Variants in SLCO1A2 observed in about 807,000 individuals in gnomAD.
SLCO1A2 encodes the protein solute carrier organic anion transporter family member 1A2, also known as OATP-1.
In SLCO1A2, 67 loss-of-function variants were observed where a neutral mutation model predicts 69.0. That is an observed-to-expected ratio of 0.97 (90% CI 0.80 to 1.19). The LOEUF (loss-of-function observed/expected upper bound fraction) is 1.19, where lower values mean the gene tolerates loss of function less well. SLCO1A2 is among the 50% of genes most tolerant of loss of function. The pLI, the probability that SLCO1A2 is intolerant of heterozygous loss-of-function variation, is 0.00. For synonymous variants in SLCO1A2, 260 were observed against 265.9 expected, an observed-to-expected ratio of 0.98 and a Z score of 0.22; for missense variants, 787 against 793.7, an observed-to-expected ratio of 0.99 and a Z score of 0.10.
upstream of SLCO1A2, among the ~76,000 whole-genome samples, chr12:21,400,133 A>G (rs893033332): frequency 9.9e-5 from 15 of 152,150 alleles, no homozygotes; most frequent in East Asian, 1.3e-3. Flanking sequence ...CTCATCTGAC[A>G]AAGGGCTAAT....
At chr12:21,394,366 T>TAAAC (rs375800291) in intron 1 of SLCO1A2, among the ~76,000 whole-genome samples, 4 of 147,504 alleles carry the variant, frequency 2.7e-5, no homozygotes, top group Non-Finnish European at 6.0e-5. Context: ...ACCACATCTT[T>TAAAC]ACACACACAC....
At chr12:21,312,026 G>GAGA (rs1355518980) in intron 4 of SLCO1A2, among the ~76,000 whole-genome samples, 2 of 148,926 alleles carry the variant, frequency 1.3e-5, no homozygotes, top group African/African-American at 4.9e-5. Context: ...GAGGGAGGAG[G>GAGA]AGAAGAAGAA....
chr12:21,316,824 C>T (rs1950926838), intron 3 of SLCO1A2, among the ~76,000 whole-genome samples: 1 of 152,160 alleles, frequency 6.6e-6, no homozygotes, highest in South Asian at 2.1e-4. Flanking sequence ...GATAGTTCCC[C>T]AGTGCTTCAG....
At chr12:21,332,352 T>C (rs1952669573) in intron 2 of SLCO1A2, among the ~76,000 whole-genome samples, 1 of 152,120 alleles carries the variant, frequency 6.6e-6, no homozygotes, top group Admixed American at 6.6e-5. Flanking sequence ...TATTTCCTGT[T>C]TACAATCAGG....
chr12:21,336,812 C>T (rs769073416), upstream of SLCO1A2, among the ~76,000 whole-genome samples: 3 of 151,962 alleles, frequency 2.0e-5, no homozygotes, highest in Non-Finnish European at 4.4e-5. Flanking sequence ...CTTTTGTTAG[C>T]ACAGTGTTGT....
intron 12 of SLCO1A2, among the ~76,000 whole-genome samples, chr12:21,279,101 C>A (rs1362533295): frequency 6.6e-6 from 1 of 151,602 alleles, no homozygotes; most frequent in African/African-American, 2.4e-5. Flanking sequence ...CAGAATTTAT[C>A]AAGCAGAAGA....
At chr12:21,272,298 T>C (rs1943023045) in intron 14 of SLCO1A2, among the ~76,000 whole-genome samples, 1 of 151,948 alleles carries the variant, frequency 6.6e-6, no homozygotes, top group East Asian at 1.9e-4. Flanking sequence ...TATATTCAAT[T>C]ACTCTTGTAC....
At chr12:21,312,850 C>CATTG (rs1950393593) in intron 4 of SLCO1A2, among the ~76,000 whole-genome samples, 2 of 152,142 alleles carry the variant, frequency 1.3e-5, no homozygotes, top group South Asian at 4.2e-4. Flanking sequence ...GAGGCAGGCG[C>CATTG]ATTGCTTGAA....
At chr12:21,400,428 G>A (rs1275588405), upstream of SLCO1A2, among the ~76,000 whole-genome samples, 9 of 151,396 alleles carry the variant, frequency 5.9e-5, no homozygotes, top group Non-Finnish European at 1.2e-4. Context: ...CACTGTTGGT[G>A]GGACTGTAAA....
intron 2 of SLCO1A2, among the ~76,000 whole-genome samples, chr12:21,358,003 G>A (rs1289277959): frequency 1.3e-5 from 2 of 152,116 alleles, no homozygotes; most frequent in Non-Finnish European, 2.9e-5. Flanking sequence ...TGGGTGGGTG[G>A]CGTGAGGTGG....
chr12:21,384,095 T>A (rs1420579735), intron 1 of SLCO1A2, among the ~76,000 whole-genome samples: 3 of 152,198 alleles, frequency 2.0e-5, no homozygotes, highest in African/African-American at 7.2e-5. Context: ...ATATTTTTAA[T>A]GTCCAATCAG....
chr12:21,353,799 C>G (rs1359035991), intron 2 of SLCO1A2, among the ~76,000 whole-genome samples: 1 of 152,186 alleles, frequency 6.6e-6, no homozygotes, highest in Non-Finnish European at 1.5e-5. Context: ...AATGGCTATT[C>G]TCAAGTGGTC....
chr12:21,269,495 T>C lies in SLCO1A2; in HGVS notation c.*53A>G. 2 of 1,351,160 alleles carry C rather than the reference T, an allele frequency of 1.5e-6. No individual in the cohort carries two copies. Among genetic ancestry groups the C allele is most frequent in the African/African-American group, 1.5e-5 (1 of 68,318 alleles). The allele number at this position is 1,351,160 out of a possible 1,614,324, so 83.7% of individuals were successfully genotyped here. ...ATATCTCTACTGATTTTTAAAACAA[T>C]TAAGTTGTACAGCATGTTCTCTAAT... On this transcript the variant is annotated 3_prime_UTR_variant, in exon 15 of 15. Coordinates refer to ENST00000683939, the MANE Select transcript of SLCO1A2 (RefSeq NM_001386879.1).
At chr12:21,319,742 C>A (rs1449375434) in intron 2 of SLCO1A2, among the ~76,000 whole-genome samples, 1 of 152,136 alleles carries the variant, frequency 6.6e-6, no homozygotes, top group East Asian at 1.9e-4. Context: ...ATCAATCATA[C>A]TTCCTATTAT....
rs1354276214 is a variant in SLCO1A2, at chr12:21,366,491, C to T, written c.-63+7908G>A. The stretch of plus-strand genomic sequence containing the variant: ...GCACACCAACATGGCGCACGTATTC[C>T]TATGTAACAAACCTGCACATTGTGC... On this transcript the variant is annotated intron_variant, in intron 2 of 15. Transcript: ENST00000307378. 2.0e-5 allele frequency among the ~76,000 whole-genome samples: 3 copies of T among 152,002 alleles called. No homozygotes were observed. In the East Asian group the frequency reaches 5.8e-4, roughly 29 times the overall value.
intron 2 of SLCO1A2, among the ~76,000 whole-genome samples, chr12:21,364,077 T>A (rs1422250969): frequency 2.6e-5 from 4 of 152,134 alleles, no homozygotes; most frequent in Non-Finnish European, 5.9e-5. Context: ...TACCAAAGCC[T>A]GGCAGAAACA....
At chr12:21,373,420 A>AC in intron 2 of SLCO1A2, 1 of 1,611,698 alleles carries the variant, frequency 6.2e-7, no homozygotes, top group African/African-American at 1.3e-5. Context: ...TGAAAGCTAC[A>AC]CCCATTGAAA....
In SLCO1A2 at chr12:21,288,116, C is replaced by T. The variant is rs577248357; in HGVS notation, c.1610+4048G>A. On this transcript the variant is annotated intron_variant, in intron 12 of 14. Coordinates refer to ENST00000683939, the MANE Select transcript of SLCO1A2 (RefSeq NM_001386879.1). ...AGTAGGGCAGGCACCAAAAGACAAACTTTGCATGTCCTCACTTACTTGTGG... is the reference window on the plus strand; with the variant it reads ...AGTAGGGCAGGCACCAAAAGACAAATTTTGCATGTCCTCACTTACTTGTGG... Among the ~76,000 whole-genome samples, 4 of 151,284 alleles carry T rather than the reference C, an allele frequency of 2.6e-5. No homozygotes were observed. In the South Asian group the frequency reaches 6.3e-4, roughly 24 times the overall value.
intron 12 of SLCO1A2, among the ~76,000 whole-genome samples, chr12:21,285,737 A>C (rs1455366612): frequency 4.7e-5 from 7 of 150,172 alleles, no homozygotes; most frequent in Non-Finnish European, 1.0e-4. Context: ...CCAGCATATA[A>C]ACAGAGCCAA....
Sources: allele counts gnomAD v4.1 joint callset (sites outside exome capture counted in the v4.1 genomes callset), GRCh38; gene constraint gnomAD v4.1.1; transcripts MANE v1.5; gene names NCBI Gene and HGNC (gene_info 2026-07-23, HGNC 2026-07-21).